MIS18A: variants seen among roughly 807,000 people sequenced by gnomAD.
MIS18A encodes protein Mis18-alpha.
MIS18A carries 14 observed loss-of-function variants against 25.0 expected under a neutral mutation model. The observed-to-expected ratio is 0.56, with a 90% CI of 0.37 to 0.88. The LOEUF is 0.88. Ranked by LOEUF, MIS18A falls within the 40% of genes least tolerant of loss-of-function variation. The pLI is 0.00. For synonymous variants in MIS18A, 134 were observed against 118.6 expected (o/e 1.13, Z -0.84); for missense variants, 292 against 290.8 (o/e 1.00, Z -0.03).
chr21:32,159,635 T>C, the MIS18A span, among the ~76,000 whole-genome samples: 5 of 152,176 alleles, frequency 3.3e-5, no homozygotes, highest in Non-Finnish European at 5.9e-5. Context: ...ATGTACCCAA[T>C]GTGGTTGGGC....
chr21:32,195,071 T>A, the MIS18A span, among the ~76,000 whole-genome samples: 1 of 152,066 alleles, frequency 6.6e-6, no homozygotes, highest in South Asian at 2.1e-4. Context: ...AATAAAATAA[T>A]AAAATTCATA....
chr21:32,222,759 T>C, the MIS18A span, among the ~76,000 whole-genome samples: 1 of 145,688 alleles, frequency 6.9e-6, no homozygotes, highest in African/African-American at 2.5e-5. Context: ...GTGAAACCTG[T>C]CTCTAATAAA....
At chr21:32,238,309 T>TTA in the MIS18A span, among the ~76,000 whole-genome samples, 2 of 152,150 alleles carry the variant, frequency 1.3e-5, no homozygotes, top group African/African-American at 4.8e-5. Flanking sequence ...CTCAGTGACT[T>TTA]TATACAACTT....
At chr21:32,190,695 G>A in the MIS18A span, among the ~76,000 whole-genome samples, 10 of 152,182 alleles carry the variant, frequency 6.6e-5, no homozygotes, top group East Asian at 1.9e-4. Context: ...ATCTAACAAC[G>A]GGGACTGAGG....
the MIS18A span, among the ~76,000 whole-genome samples, chr21:32,160,688 A>G: frequency 1.3e-4 from 19 of 151,220 alleles, no homozygotes; most frequent in South Asian, 4.0e-3. Flanking sequence ...CTGGAGTGCA[A>G]TGGCGTGATC....
chr21:32,255,278 T>TA, the MIS18A span, among the ~76,000 whole-genome samples: 1 of 151,794 alleles, frequency 6.6e-6, no homozygotes, highest in African/African-American at 2.4e-5. Context: ...TTGCTCAGGG[T>TA]AGAGTGCGGT....
the MIS18A span, among the ~76,000 whole-genome samples, chr21:32,161,476 T>TTTTGTTTGTTTG: frequency 2.6e-4 from 39 of 150,562 alleles, no homozygotes; most frequent in Middle Eastern, 3.4e-3. Flanking sequence ...GAAGCTTGTT[T>TTTTGTTTGTTTG]TTTGTTTGTT....
At chr21:32,159,026 CTTTT>C in the MIS18A span, among the ~76,000 whole-genome samples, 1 of 152,108 alleles carries the variant, frequency 6.6e-6, no homozygotes, top group South Asian at 2.1e-4. Context: ...ATATCTTTAA[CTTTT>C]TTCATCTTTT....
the MIS18A span, among the ~76,000 whole-genome samples, chr21:32,239,370 A>G: frequency 3.9e-5 from 6 of 152,212 alleles, no homozygotes; most frequent in Non-Finnish European, 7.3e-5. Context: ...GCATTTATGC[A>G]ATTTTTCATT....
chr21:32,255,485 G>A, the MIS18A span, among the ~76,000 whole-genome samples: 5 of 151,448 alleles, frequency 3.3e-5, no homozygotes, highest in Admixed American at 3.3e-4. Context: ...TGCCCACCTC[G>A]GCCTCCCAAA....
chr21:32,167,601 A>C, the MIS18A span, among the ~76,000 whole-genome samples: 1 of 152,210 alleles, frequency 6.6e-6, no homozygotes, highest in South Asian at 2.1e-4. Context: ...ATGAATAAAA[A>C]AACCAAAAAC....
the MIS18A span, among the ~76,000 whole-genome samples, chr21:32,232,013 A>C: frequency 1.3e-5 from 2 of 152,210 alleles, no homozygotes; most frequent in Non-Finnish European, 2.9e-5. Flanking sequence ...TCTTGTAGAG[A>C]CATCTGCATG....
the MIS18A span, among the ~76,000 whole-genome samples, chr21:32,214,411 A>G: frequency 6.6e-6 from 1 of 152,136 alleles, no homozygotes; most frequent in African/African-American, 2.4e-5. Flanking sequence ...GACGGGTTGC[A>G]AGGGTCCCAG....
chr21:32,192,643 TG>T, the MIS18A span, among the ~76,000 whole-genome samples: 2 of 152,250 alleles, frequency 1.3e-5, no homozygotes, highest in Non-Finnish European at 2.9e-5. Context: ...GGCATCGTGC[TG>T]CCCATTAGCA....
chr21:32,274,773 AAG>A, intron 2 of MIS18A, 55 bp downstream of exon 2: 2 of 1,384,212 alleles, frequency 1.4e-6, no homozygotes, highest in African/African-American at 2.9e-5. Flanking sequence ...TGACCTTTTA[AAG>A]ATTTTTATTA....
the MIS18A span, among the ~76,000 whole-genome samples, chr21:32,246,046 G>T: frequency 6.6e-6 from 1 of 152,156 alleles, no homozygotes; most frequent in South Asian, 2.1e-4. Flanking sequence ...AGGAGCAAGA[G>T]ATGGAGGGGT....
At chr21:32,193,976 G>A in the MIS18A span, among the ~76,000 whole-genome samples, 2 of 152,088 alleles carry the variant, frequency 1.3e-5, no homozygotes, top group Non-Finnish European at 2.9e-5. Context: ...AGAGGCCAGT[G>A]GTACCCCCTT....
chr21:32,185,211 C>T, the MIS18A span, among the ~76,000 whole-genome samples: 1 of 152,208 alleles, frequency 6.6e-6, no homozygotes, highest in South Asian at 2.1e-4. Context: ...CAGCTGGTTT[C>T]CACCTGGGGC....
the MIS18A span, among the ~76,000 whole-genome samples, chr21:32,222,794 G>T: frequency 6.6e-6 from 1 of 151,978 alleles, no homozygotes; most frequent in East Asian, 1.9e-4. Flanking sequence ...AGCCAGGTGT[G>T]GTGGTGGGCA....
Sources: allele counts gnomAD v4.1 joint callset (sites outside exome capture counted in the v4.1 genomes callset), GRCh38; gene constraint gnomAD v4.1.1; transcripts MANE v1.5; gene names NCBI Gene and HGNC (gene_info 2026-07-23, HGNC 2026-07-21).